ZNF385C: variants seen among roughly 807,000 people sequenced by gnomAD.
ZNF385C encodes the protein CTD-2132N18.2.
ZNF385C carries 28 observed loss-of-function variants against 35.4 expected under a neutral mutation model. The observed-to-expected ratio is 0.79, with a 90% CI of 0.59 to 1.08. The LOEUF is 1.08. ZNF385C is among the 50% of genes least tolerant of loss of function. The pLI, the probability that ZNF385C is intolerant of heterozygous loss-of-function variation, is 0.00. For synonymous variants in ZNF385C, 248 were observed against 248.2 expected, an observed-to-expected ratio of 1.00 and a Z score of 0.01; for missense variants, 605 against 595.6, an observed-to-expected ratio of 1.02 and a Z score of -0.16.
At chr17:42,081,215 T>C (rs2053745420) in intron 1 of ZNF385C, among the ~76,000 whole-genome samples, 1 of 151,764 alleles carries the variant, frequency 6.6e-6, no homozygotes, top group African/African-American at 2.4e-5. Flanking sequence ...AACACATGAA[T>C]CAGGATGGAC....
chr17:42,093,130 G>T (rs2053880103), intron 1 of ZNF385C, among the ~76,000 whole-genome samples: 1 of 152,162 alleles, frequency 6.6e-6, no homozygotes, highest in Non-Finnish European at 1.5e-5. Flanking sequence ...AGGTGGGGAG[G>T]CCAGGAGAGG....
intron 1 of ZNF385C, among the ~76,000 whole-genome samples, chr17:42,086,870 C>A (rs1555660189): frequency 6.8e-6 from 1 of 147,728 alleles, no homozygotes; most frequent in African/African-American, 2.5e-5. Context: ...CTCTTGTTGC[C>A]CAGGCTGGAG....
At chr17:42,070,739 G>A (rs2053612594) in intron 1 of ZNF385C, among the ~76,000 whole-genome samples, 1 of 152,168 alleles carries the variant, frequency 6.6e-6, no homozygotes, top group Non-Finnish European at 1.5e-5. Flanking sequence ...GCAGGAGTGT[G>A]GGATCCTGGC....
At chr17:42,027,554 G>GCCCAACCCCCC in intron 8 of ZNF385C, 64 bp downstream of exon 8, 2 of 556,876 alleles carry the variant, frequency 3.6e-6, no homozygotes, top group Non-Finnish European at 6.6e-6. Context: ...CCCCCATCTG[G>GCCCAACCCCCC]CCCTCCCAGC....
At chr17:42,061,326 T>C (rs954330066) in intron 2 of ZNF385C, 4 of 148,870 alleles carry the variant, frequency 2.7e-5, no homozygotes, top group African/African-American at 9.9e-5. Flanking sequence ...GTTCAAGTGA[T>C]TCGTCTGCCT....
intron 1 of ZNF385C, among the ~76,000 whole-genome samples, chr17:42,073,020 G>A (rs2053646996): frequency 6.6e-6 from 1 of 152,194 alleles, no homozygotes; most frequent in Non-Finnish European, 1.5e-5. Context: ...AGGAAACTCA[G>A]GGAGTGGGAG....
At chr17:42,073,171 T>A (rs929787281) in intron 1 of ZNF385C, among the ~76,000 whole-genome samples, 9 of 152,140 alleles carry the variant, frequency 5.9e-5, no homozygotes, top group Non-Finnish European at 1.2e-4. Flanking sequence ...GCACGGTGGC[T>A]CACGCCTGTA....
chr17:42,065,781 G>A (rs562633214), intron 1 of ZNF385C, among the ~76,000 whole-genome samples: 7 of 152,128 alleles, frequency 4.6e-5, no homozygotes, highest in East Asian at 3.9e-4. Context: ...TGCCCGCCTC[G>A]GCATCCCTAA....
At chr17:42,071,265 G>A (rs1480848296) in intron 1 of ZNF385C, among the ~76,000 whole-genome samples, 1 of 152,200 alleles carries the variant, frequency 6.6e-6, no homozygotes, top group Non-Finnish European at 1.5e-5. Context: ...GGCCTTCTGG[G>A]TGCTGGAGAT....
intron 2 of ZNF385C, among the ~76,000 whole-genome samples, chr17:42,059,746 C>T (rs1318021562): frequency 6.6e-6 from 1 of 152,190 alleles, no homozygotes; most frequent in Non-Finnish European, 1.5e-5. Flanking sequence ...CTCAGCCTCG[C>T]CAGTAACTGG....
intron 2 of ZNF385C, among the ~76,000 whole-genome samples, chr17:42,045,617 G>C (rs577590189): frequency 1.4e-4 from 22 of 152,336 alleles, no homozygotes; most frequent in African/African-American, 5.3e-4. Context: ...CCCAAAGGCT[G>C]TACTGAGACC....
At position 42,074,224 on chromosome 17, in the gene ZNF385C, C is replaced by T. The variant is rs377451752; in HGVS notation, c.-2-11166G>A. Among the ~76,000 whole-genome samples, 32 of 152,316 alleles carry T rather than the reference C, an allele frequency of 2.1e-4. No individual in the cohort carries two copies. In the South Asian group the frequency reaches 5.2e-3, roughly 25 times the overall value. ...GCAGGGCCCTTATTTCCCAGCTATC[C>T]ACAACACCAGTGCAAAGCTTACTGC... On this transcript the variant is annotated intron_variant, in intron 1 of 8. Transcript: ENST00000692273.
intron 2 of ZNF385C, among the ~76,000 whole-genome samples, chr17:42,053,228 A>G (rs1463676727): frequency 6.6e-6 from 1 of 152,200 alleles, no homozygotes; most frequent in African/African-American, 2.4e-5. Flanking sequence ...CTTGCCCCCA[A>G]GGAAAGGGTT....
At chr17:42,071,468 G>A (rs1321963512) in intron 1 of ZNF385C, among the ~76,000 whole-genome samples, 3 of 152,032 alleles carry the variant, frequency 2.0e-5, no homozygotes, top group African/African-American at 7.2e-5. Flanking sequence ...CACCCCCAAA[G>A]ACAGGGGCTG....
chr17:42,039,555 T>C, intron 2 of ZNF385C: 1 of 650,846 alleles, frequency 1.5e-6, no homozygotes, highest in Non-Finnish European at 2.2e-6. Flanking sequence ...GGGGGGTTGG[T>C]GGGAAGCTCC....
chr17:42,046,099 G>T (rs1385821205), intron 2 of ZNF385C, among the ~76,000 whole-genome samples: 4 of 152,164 alleles, frequency 2.6e-5, no homozygotes, highest in Non-Finnish European at 5.9e-5. Context: ...CCCACAACCT[G>T]GGCTGGTAGC....
chr17:42,073,923 G>A (rs1221888673), intron 1 of ZNF385C, among the ~76,000 whole-genome samples: 1 of 151,798 alleles, frequency 6.6e-6, no homozygotes, highest in African/African-American at 2.4e-5. Flanking sequence ...CCTCACCCAC[G>A]GTGCCACCAA....
rs572953118 is a variant in ZNF385C at position 42,079,072 on chromosome 17, G to A, written c.-2-16014C>T. ...ATAACAGAATATACTAGCCCGGCAC[G>A]GTGGCTCATGCCTGTAATCTCGGCA... On this transcript the variant is annotated intron_variant, in intron 1 of 8. Transcript: ENST00000692273. Among the ~76,000 whole-genome samples the A allele has an allele frequency of 9.5e-4, 144 of 151,022 alleles. 1 individual carries two copies. Among genetic ancestry groups the A allele is most frequent in the African/African-American group, 3.3e-3 (137 of 41,172 alleles).
At chr17:42,029,446 C>T (rs914997926) in intron 5 of ZNF385C, among the ~76,000 whole-genome samples, 5 of 152,198 alleles carry the variant, frequency 3.3e-5, no homozygotes, top group Non-Finnish European at 5.9e-5. Context: ...GGGCTGGATA[C>T]GGTGGCTCAT....
Sources: allele counts gnomAD v4.1 joint callset (sites outside exome capture counted in the v4.1 genomes callset), GRCh38; gene constraint gnomAD v4.1.1; transcripts MANE v1.5; gene names NCBI Gene and HGNC (gene_info 2026-07-23, HGNC 2026-07-21).